The following GALNT7 variants were observed in gnomAD, a reference collection of about 807,000 sequenced individuals.
GALNT7 encodes N-acetylgalactosaminyltransferase 7.
Under a neutral mutation model 82.1 loss-of-function variants are expected in GALNT7, and 60 were observed. The ratio of observed to expected loss-of-function variants is 0.73; its 90% confidence interval spans 0.59 to 0.91. The LOEUF (loss-of-function observed/expected upper bound fraction) is 0.91, where lower values mean the gene tolerates loss of function less well. Ranked by LOEUF, GALNT7 falls within the 40% of genes least tolerant of loss-of-function variation. The probability of loss-of-function intolerance (pLI) is 0.00; values close to 1 mark genes in which losing one functional copy is unlikely to be tolerated. For missense variants in GALNT7, 660 were observed against 804.2 expected, an observed-to-expected ratio of 0.82 and a Z score of 2.17; for synonymous variants, 243 against 275.1, an observed-to-expected ratio of 0.88 and a Z score of 1.15.
intron 2 of GALNT7, among the ~76,000 whole-genome samples, chr4:173,287,800 G>A (rs1472836122): frequency 3.3e-5 from 5 of 152,198 alleles, no homozygotes; most frequent in African/African-American, 7.2e-5. Context: ...AAGGGTCCAG[G>A]AGAGATTGTA....
At chr4:173,296,774 G>A (rs1211882234) in intron 5 of GALNT7, among the ~76,000 whole-genome samples, 3 of 152,160 alleles carry the variant, frequency 2.0e-5, no homozygotes, top group Non-Finnish European at 4.4e-5. Flanking sequence ...ACTTTCTCTA[G>A]GTGAATACCA....
intron 2 of GALNT7, among the ~76,000 whole-genome samples, chr4:173,291,903 T>C (rs1023354391): frequency 6.6e-6 from 1 of 152,216 alleles, no homozygotes; most frequent in African/African-American, 2.4e-5. Flanking sequence ...GTATTGGTTA[T>C]GCAGTAGCTT....
chr4:173,307,977 G>A (rs6833097), intron 8 of GALNT7, among the ~76,000 whole-genome samples: 4,100 of 152,300 alleles, frequency 0.027, 176 homozygotes, highest in African/African-American at 0.088. Flanking sequence ...GTGTCCTCTA[G>A]GGAGCAGGCC....
intron 1 of GALNT7, among the ~76,000 whole-genome samples, chr4:173,224,739 G>A (rs1471838255): frequency 2.6e-5 from 4 of 151,992 alleles, no homozygotes; most frequent in Middle Eastern, 3.2e-3. Flanking sequence ...TTGGCCGGGC[G>A]CGGTGGCTCA....
At position 173,172,133 on chromosome 4, in the gene GALNT7, C is replaced by G. The variant is rs539768819; in HGVS notation, c.126+3172C>G. On this transcript the variant is annotated intron_variant, in intron 1 of 11. Coordinates refer to ENST00000265000, the MANE Select transcript of GALNT7 (RefSeq NM_017423.3). ...GAAGGAAGTACACTTTGAAGAAGGCCATGTGGGCTACTTGAGAAATCCAAG... is the reference window on the plus strand; with the variant it reads ...GAAGGAAGTACACTTTGAAGAAGGCGATGTGGGCTACTTGAGAAATCCAAG... 4.6e-5 allele frequency among the ~76,000 whole-genome samples: 7 copies of G among 152,260 alleles called. No homozygotes were observed. In the East Asian group the frequency reaches 1.4e-3, roughly 29 times the overall value.
chr4:173,179,166 G>C (rs1732169914), intron 1 of GALNT7, among the ~76,000 whole-genome samples: 1 of 152,114 alleles, frequency 6.6e-6, no homozygotes. Context: ...GTATTCGCTG[G>C]TATCTTATAA....
chr4:173,265,803 T>G (rs1170674798), intron 2 of GALNT7, among the ~76,000 whole-genome samples: 1 of 151,924 alleles, frequency 6.6e-6, no homozygotes, highest in Non-Finnish European at 1.5e-5. Context: ...TCTAGCGCTT[T>G]GCTTTCATCT....
At chr4:173,213,684 G>T (rs1733353373) in intron 1 of GALNT7, among the ~76,000 whole-genome samples, 1 of 151,962 alleles carries the variant, frequency 6.6e-6, no homozygotes, top group Non-Finnish European at 1.5e-5. Context: ...ATTTTTGAAG[G>T]TCTACTAACC....
intron 1 of GALNT7, among the ~76,000 whole-genome samples, chr4:173,179,421 T>C (rs1226605399): frequency 6.6e-6 from 1 of 152,152 alleles, no homozygotes; most frequent in African/African-American, 2.4e-5. Flanking sequence ...GCCTGGAGGA[T>C]TGCTTGAGGC....
chr4:173,286,184 A>T (rs953755176), intron 2 of GALNT7, among the ~76,000 whole-genome samples: 1 of 152,226 alleles, frequency 6.6e-6, no homozygotes, highest in African/African-American at 2.4e-5. Flanking sequence ...GAATGTAAAC[A>T]GTGATCTTCA....
intron 9 of GALNT7, chr4:173,317,314 C>G: frequency 4.0e-6 from 1 of 249,318 alleles, no homozygotes; most frequent in South Asian, 4.3e-5. Flanking sequence ...TGGTTAGGTT[C>G]TCTATTTGCT....
At chr4:173,242,247 G>A (rs2332669) in intron 1 of GALNT7, among the ~76,000 whole-genome samples, 95,526 of 152,004 alleles carry the variant, frequency 0.63, 30,714 homozygotes, top group East Asian at 0.76. Context: ...CCTCTAAGCG[G>A]GTCTATTTCT....
intron 1 of GALNT7, among the ~76,000 whole-genome samples, chr4:173,241,095 C>T (rs994853312): frequency 2.6e-5 from 4 of 151,674 alleles, no homozygotes; most frequent in African/African-American, 9.7e-5. Context: ...ATTAGCCAGG[C>T]ACAGTAGTTC....
At chr4:173,216,327 T>C (rs1733460524) in intron 1 of GALNT7, among the ~76,000 whole-genome samples, 1 of 152,208 alleles carries the variant, frequency 6.6e-6, no homozygotes, top group Non-Finnish European at 1.5e-5. Flanking sequence ...ACATGAAATA[T>C]ACAACAATCT....
intron 2 of GALNT7, among the ~76,000 whole-genome samples, chr4:173,264,452 C>T (rs977691255): frequency 6.6e-6 from 1 of 152,184 alleles, no homozygotes; most frequent in African/African-American, 2.4e-5. Flanking sequence ...GTTCTCTGAG[C>T]ACACAGTAGG....
intron 2 of GALNT7, among the ~76,000 whole-genome samples, chr4:173,285,518 A>G (rs528782547): frequency 6.6e-6 from 1 of 152,338 alleles, no homozygotes; most frequent in East Asian, 1.9e-4. Flanking sequence ...CCACATTTTT[A>G]CACCTTGAAG....
chr4:173,215,923 A>G (rs1358533489), intron 1 of GALNT7, among the ~76,000 whole-genome samples: 2 of 152,184 alleles, frequency 1.3e-5, no homozygotes, highest in Non-Finnish European at 2.9e-5. Context: ...AGCCTGGGCA[A>G]CATGGTGAAA....
chr4:173,183,103 T>C (rs1435187869), intron 1 of GALNT7, among the ~76,000 whole-genome samples: 1 of 151,710 alleles, frequency 6.6e-6, no homozygotes, highest in Non-Finnish European at 1.5e-5. Flanking sequence ...GCTTTTTCTC[T>C]GTGTACCTGA....
At chr4:173,170,253 C>G (rs1039569642) in intron 1 of GALNT7, among the ~76,000 whole-genome samples, 1 of 152,228 alleles carries the variant, frequency 6.6e-6, no homozygotes, top group Admixed American at 6.5e-5. Flanking sequence ...GGCGGCGGGG[C>G]TGCAGGAGGA....
Sources: gnomAD v4.1 joint callset for allele counts (sites outside exome capture counted in the v4.1 genomes callset) on GRCh38, gnomAD v4.1.1 for gene constraint, MANE v1.5 for transcripts, NCBI Gene and HGNC (gene_info 2026-07-23, HGNC 2026-07-21) for gene names.